CCER1: variants seen among roughly 807,000 people sequenced by gnomAD.
CCER1 encodes the protein coiled-coil glutamate rich protein 1.
For synonymous variants in CCER1, 246 were observed against 213.8 expected, an observed-to-expected ratio of 1.15 and a Z score of -1.31; for missense variants, 573 against 524.5, an observed-to-expected ratio of 1.09 and a Z score of -0.90.
rs756369135 is a variant in CCER1 at position 90,952,295 on chromosome 12, G to A, written c.*1227C>T. ...ATATATCAGTAACAACCAACATTCAGGTAAGACATCACCACACATTCTTCT... is the reference window on the plus strand; with the variant it reads ...ATATATCAGTAACAACCAACATTCAAGTAAGACATCACCACACATTCTTCT... On this transcript the variant is annotated 3_prime_UTR_variant, in exon 1 of 1. Transcript: ENST00000358859. 6.6e-6 allele frequency: 1 copy of A among 152,514 alleles called. No individual in the cohort carries two copies. The highest frequency in any genetic ancestry group is 1.5e-5 in the Non-Finnish European group (1 of 68,018). 9.4% of individuals were successfully genotyped at this position (152,514 alleles called of 1,614,324 possible).
At position 90,954,406 on chromosome 12, in the gene CCER1, C is replaced by T. The variant is rs1876582825; in HGVS notation, c.337G>A (p.Gly113Ser). The T allele has an allele frequency of 6.2e-7, 1 of 1,612,284 alleles. No individual in the cohort carries two copies. Among genetic ancestry groups the T allele is most frequent in the African/African-American group, 1.3e-5 (1 of 74,918 alleles). ...PCPVQVFRVY[G>S]LHPLCFCCCS... ...CAGCAAAAGCAGAGAGGGTGCAGGCCATACACCCGAAACACTTGCACCGGG... is the reference window on the plus strand; with the variant it reads ...CAGCAAAAGCAGAGAGGGTGCAGGCTATACACCCGAAACACTTGCACCGGG... Residue 113 changes from glycine to serine, a missense_variant, in exon 1 of 1, where the codon GGC becomes AGC. Gly to Ser is a moderately conservative substitution (Grantham distance 56). Coordinates refer to ENST00000358859, the MANE Select transcript of CCER1 (RefSeq NM_152638.4).
At position 90,953,376 on chromosome 12, in the gene CCER1, T is replaced by A. The variant is rs1281820384; in HGVS notation, c.*146A>T. 8 of 1,018,814 alleles carry A rather than the reference T, an allele frequency of 7.9e-6. No individual in the cohort carries two copies. The highest frequency in any genetic ancestry group is 1.1e-5 in the Non-Finnish European group (8 of 725,138). The allele number at this position is 1,018,814 out of a possible 1,614,324, so 63.1% of individuals were successfully genotyped here. A position where few individuals can be genotyped will look rare whatever the true frequency, so the allele number is the denominator to read the frequency against. On this transcript the variant is annotated 3_prime_UTR_variant, in exon 1 of 1. Transcript: ENST00000358859. ...ATAGTCATACACATACGCATCAAAT[T>A]TTAAACATTTTATAATGGCCAAAGA...
In CCER1 at chr12:90,953,827, C is replaced by A; in HGVS notation, c.916G>T (p.Glu306Ter). The A allele has an allele frequency of 6.3e-7, 1 of 1,578,892 alleles. No homozygotes were observed. Residue 306 changes from glutamate to a stop codon, truncating the protein, a stop_gained, in exon 1 of 1, where the codon GAG becomes TAG. Coordinates refer to ENST00000358859, the MANE Select transcript of CCER1 (RefSeq NM_152638.4). LOFTEE classifies it low-confidence loss of function (END_TRUNC). ...DAKEASEEEE[E>*]VEDEEEEVED... ...ACCTCTTCCTCCTCATCTTCGACCT[C>A]TTCTTCCTCCTCGCTCGCCTCCTTT... is the stretch of plus-strand genomic sequence containing the variant.
Position 90,955,123 on chromosome 12 carries a change from CTGCTGCT to C in CCER1, c.-388_-382del. The C allele has an allele frequency of 3.5e-6, 1 of 283,852 alleles. No individual in the cohort carries two copies. The highest frequency in any genetic ancestry group is 7.0e-6 in the Non-Finnish European group (1 of 141,958). 17.6% of individuals were successfully genotyped at this position (283,852 alleles called of 1,614,324 possible). On this transcript the variant is annotated 5_prime_UTR_variant, in exon 1 of 1. Transcript: ENST00000358859. ...GGGGAGGCAGGGGTTGCGCAGTTAC[CTGCTGCT>C]CCCTCTCAACCCAGGTGCTTCACTG...
Position 90,954,360 on chromosome 12 carries a change from G to A in CCER1, c.383C>T (p.Ser128Phe). 5 of 1,610,052 alleles carry A rather than the reference G, an allele frequency of 3.1e-6. No individual in the cohort carries two copies. Among genetic ancestry groups the A allele is most frequent in the Non-Finnish European group, 3.4e-6 (4 of 1,179,858 alleles). The change falls in exon 1 of 1, where the codon TCC (serine) becomes TTC (phenylalanine). Residue 128 changes from serine to phenylalanine, a missense_variant. Ser to Phe is a radical substitution (Grantham distance 155). Coordinates refer to ENST00000358859, the MANE Select transcript of CCER1 (RefSeq NM_152638.4). Reference sequence around the variant, plus strand: ...GGGCTTCACCCAGCCAGGGTTCCAGGACCCGCTCCAGCAGGAGCAGCAGCA... The same window carrying A: ...GGGCTTCACCCAGCCAGGGTTCCAGAACCCGCTCCAGCAGGAGCAGCAGCA... Reference protein sequence around the residue: ...CFCCCSCWSGSWNPGWVKPPG... With the variant: ...CFCCCSCWSGFWNPGWVKPPG...
At position 90,954,452 on chromosome 12, in the gene CCER1, T is replaced by C; in HGVS notation, c.291A>G (p.Pro97=). ...CWGGPWRPPP[P]GFWKFPCPVQ... is the part of the protein sequence containing the mutation. ...CCGGGCAGGGGAATTTCCAGAATCC[T>C]GGAGGGGGTGGGCGCCAGGGCCCTC... Residue 97 remains proline, a synonymous_variant, in exon 1 of 1, where the codon CCA becomes CCG. Transcript: ENST00000358859. 6.2e-7 allele frequency: 1 copy of C among 1,610,094 alleles called. No homozygotes were observed.
At position 90,954,473 on chromosome 12, in the gene CCER1, C is replaced by T. The variant is rs1395665229; in HGVS notation, c.270G>A (p.Gly90=). The change falls in exon 1 of 1, where the codon GGG becomes GGA. Residue 90 remains glycine, a synonymous_variant. Coordinates refer to ENST00000358859, the MANE Select transcript of CCER1 (RefSeq NM_152638.4). ...PVCSNWGCWG[G]PWRPPPPGFW... is the part of the protein sequence containing the mutation. ...ATCCTGGAGGGGGTGGGCGCCAGGG[C>T]CCTCCCCAGCACCCCCAGTTAGAGC... The T allele has an allele frequency of 6.2e-7, 1 of 1,609,496 alleles. No homozygotes were observed. Among genetic ancestry groups the T allele is most frequent in the South Asian group, 1.1e-5 (1 of 90,884 alleles).
In CCER1 at chr12:90,954,344, C is replaced by G; in HGVS notation, c.399G>C (p.Trp133Cys). 6.2e-7 allele frequency: 1 copy of G among 1,608,380 alleles called. No homozygotes were observed. Among genetic ancestry groups the G allele is most frequent in the Non-Finnish European group, 8.5e-7 (1 of 1,179,622 alleles). The stretch of plus-strand genomic sequence containing the variant: ...GCTTCTTCCTGCCTGGGGGCTTCAC[C>G]CAGCCAGGGTTCCAGGACCCGCTCC... Reference protein sequence around the residue: ...SCWSGSWNPGWVKPPGRKKRW... With the variant: ...SCWSGSWNPGCVKPPGRKKRW... The change falls in exon 1 of 1, where the codon TGG (tryptophan) becomes TGC (cysteine). Residue 133 changes from tryptophan to cysteine, a missense_variant. Trp to Cys is a radical substitution (Grantham distance 215, BLOSUM62 -2). Coordinates refer to ENST00000358859, the MANE Select transcript of CCER1 (RefSeq NM_152638.4).
rs1183603038 is a variant in CCER1 at position 90,954,164 on chromosome 12, G to A, written c.579C>T (p.Ile193=). 1.2e-6 allele frequency: 2 copies of A among 1,611,152 alleles called. No individual in the cohort carries two copies. Among genetic ancestry groups the A allele is most frequent in the Non-Finnish European group, 8.5e-7 (1 of 1,179,960 alleles). The stretch of plus-strand genomic sequence containing the variant: ...TCATGTCCTCGTAGATCTGGTTCAT[G>A]ATGAATTGGGTGGTGTTGGGCGGCG... The part of the protein sequence containing the change: ...MRAPPNTTQF[I]MNQIYEDMRQ... Residue 193 remains isoleucine (I), a synonymous_variant, in exon 1 of 1, where the codon ATC becomes ATT. Transcript: ENST00000358859.
In CCER1 at chr12:90,954,721, T is replaced by C; in HGVS notation, c.22A>G (p.Arg8Gly). 1 of 1,554,038 alleles carries C rather than the reference T, an allele frequency of 6.4e-7. No homozygotes were observed. Among genetic ancestry groups the C allele is most frequent in the Non-Finnish European group, 8.7e-7 (1 of 1,149,632 alleles). The change falls in exon 1 of 1, where the codon AGG (arginine) becomes GGG (glycine). Residue 8 changes from arginine (R) to glycine (G), a missense_variant. Transcript: ENST00000358859. MTQTLDTREDPLNLGGGG... is the reference protein window; with the variant it reads MTQTLDTGEDPLNLGGGG... ...CCGCCCAGGTTCAGAGGGTCTTCCC[T>C]TGTGTCGAGGGTCTGAGTCATGGTT... is the stretch of plus-strand genomic sequence containing the variant.
chr12:90,952,840 G>A lies in CCER1; in HGVS notation c.*682C>T, dbSNP rs1272155355. 1 of 152,646 alleles carries A rather than the reference G, an allele frequency of 6.6e-6. No homozygotes were observed. Among genetic ancestry groups the A allele is most frequent in the Non-Finnish European group, 1.5e-5 (1 of 68,046 alleles). The allele number at this position is 152,646 out of a possible 1,614,324, so 9.5% of individuals were successfully genotyped here. ...CCATGGGGAATCCTCTCCATGACTG[G>A]ATTATGGATTGTTGAGGCCATGGCA... is the stretch of plus-strand genomic sequence containing the variant. On this transcript the variant is annotated 3_prime_UTR_variant, in exon 1 of 1. Coordinates refer to ENST00000358859, the MANE Select transcript of CCER1 (RefSeq NM_152638.4).
chr12:90,953,945 C>T lies in CCER1; in HGVS notation c.798G>A (p.Glu266=). 3 of 1,614,198 alleles carry T rather than the reference C, an allele frequency of 1.9e-6. No individual in the cohort carries two copies. The highest frequency in any genetic ancestry group is 2.5e-6 in the Non-Finnish European group (3 of 1,180,022). ...NPSLAFSPNP[E]ENQSLAPLLV... ...GCAGCGGGGCAAGAGACTGGTTTTCCTCTGGGTTGGGACTGAATGCTAGAG... is the reference window on the plus strand; with the variant it reads ...GCAGCGGGGCAAGAGACTGGTTTTCTTCTGGGTTGGGACTGAATGCTAGAG... Residue 266 remains glutamate, a synonymous_variant, in exon 1 of 1, where the codon GAG becomes GAA. Transcript: ENST00000358859.
Position 90,954,858 on chromosome 12 carries a change from C to G in CCER1, c.-116G>C. 5 of 1,457,538 alleles carry G rather than the reference C, an allele frequency of 3.4e-6. No individual in the cohort carries two copies. Among genetic ancestry groups the G allele is most frequent in the Non-Finnish European group, 4.5e-6 (5 of 1,101,786 alleles). The allele number at this position is 1,457,538 out of a possible 1,614,324, so 90.3% of individuals were successfully genotyped here. Reference sequence around the variant, plus strand: ...GTCAACCTGTCTCTCCACGCAGCGCCACGTGTCTACCCCTGGGATCACGTT... The same window carrying G: ...GTCAACCTGTCTCTCCACGCAGCGCGACGTGTCTACCCCTGGGATCACGTT... On this transcript the variant is annotated 5_prime_UTR_variant, in exon 1 of 1. Transcript: ENST00000358859.
Position 90,954,021 on chromosome 12 carries a change from T to C in CCER1, c.722A>G (p.Lys241Arg). The C allele has an allele frequency of 6.2e-7, 1 of 1,614,250 alleles. No individual in the cohort carries two copies. The highest frequency in any genetic ancestry group is 8.5e-7 in the Non-Finnish European group (1 of 1,180,044). Residue 241 changes from lysine to arginine, a missense_variant, in exon 1 of 1, where the codon AAG becomes AGG. Physicochemically the swap from Lys to Arg is conservative, Grantham distance 26. Transcript: ENST00000358859. ...AGTTTCCTGCAGTCCCCAGGTTTCC[T>C]TGCTGCCGCCAGGGGGCGCGTCGTT... is the stretch of plus-strand genomic sequence containing the variant. Reference protein sequence around the residue: ...SGNDAPPGGSKETWGLQETLY... With the variant: ...SGNDAPPGGSRETWGLQETLY...
Position 90,954,861 on chromosome 12 carries a change from G to C in CCER1, c.-119C>G. 1 of 1,455,602 alleles carries C rather than the reference G, an allele frequency of 6.9e-7. No individual in the cohort carries two copies. The highest frequency in any genetic ancestry group is 9.1e-7 in the Non-Finnish European group (1 of 1,100,904). The allele number at this position is 1,455,602 out of a possible 1,614,324, so 90.2% of individuals were successfully genotyped here. A position where few individuals can be genotyped will look rare whatever the true frequency, so the allele number is the denominator to read the frequency against. On this transcript the variant is annotated 5_prime_UTR_variant, in exon 1 of 1. Coordinates refer to ENST00000358859, the MANE Select transcript of CCER1 (RefSeq NM_152638.4). ...AACCTGTCTCTCCACGCAGCGCCAC[G>C]TGTCTACCCCTGGGATCACGTTTTC... is the stretch of plus-strand genomic sequence containing the variant.
chr12:90,954,949 G>C lies in CCER1; in HGVS notation c.-207C>G. 2.0e-6 allele frequency: 2 copies of C among 991,632 alleles called. No individual in the cohort carries two copies. The highest frequency in any genetic ancestry group is 2.9e-6 in the Non-Finnish European group (2 of 686,672). The allele number at this position is 991,632 out of a possible 1,614,324, so 61.4% of individuals were successfully genotyped here. On this transcript the variant is annotated 5_prime_UTR_variant, in exon 1 of 1. Transcript: ENST00000358859. ...CTTCGGTAGTAATCGCTTGTCCTTC[G>C]CACCTGGGTTGTCTCGCCCAGGTGT... is the stretch of plus-strand genomic sequence containing the variant.
chr12:90,954,780 C>A lies in CCER1; in HGVS notation c.-38G>T. 1 of 1,510,274 alleles carries A rather than the reference C, an allele frequency of 6.6e-7. No individual in the cohort carries two copies. The highest frequency in any genetic ancestry group is 8.9e-7 in the Non-Finnish European group (1 of 1,125,568). The allele number at this position is 1,510,274 out of a possible 1,614,324, so 93.6% of individuals were successfully genotyped here. ...TCCGAGAGGTCCAGATGGTAGCGAC[C>A]TGAAGCTGTCGTCAAGTTTTGCCAG... On this transcript the variant is annotated 5_prime_UTR_variant, in exon 1 of 1. It adds an upstream start codon to the 5' untranslated region. Transcript: ENST00000358859.
rs533483124 is a variant in CCER1, at chr12:90,954,890, T to G, written c.-148A>C. On this transcript the variant is annotated 5_prime_UTR_variant, in exon 1 of 1. Coordinates refer to ENST00000358859, the MANE Select transcript of CCER1 (RefSeq NM_152638.4). ...CTACCCCTGGGATCACGTTTTCCTC[T>G]CCAGGAGGCTGCTCTCTTCCTGGTT... 4,576 of 1,412,122 alleles carry G rather than the reference T, an allele frequency of 3.2e-3. 13 individuals carry two copies. Among genetic ancestry groups the G allele is most frequent in the Non-Finnish European group, 3.9e-3 (4,188 of 1,065,630 alleles). The allele number at this position is 1,412,122 out of a possible 1,614,324, so 87.5% of individuals were successfully genotyped here. A position where few individuals can be genotyped will look rare whatever the true frequency, so the allele number is the denominator to read the frequency against.
At position 90,954,074 on chromosome 12, in the gene CCER1, GC is replaced by G; in HGVS notation, c.668del (p.Gly223AlafsTer37). On this transcript the variant is annotated frameshift_variant, in exon 1 of 1. Coordinates refer to ENST00000358859, the MANE Select transcript of CCER1 (RefSeq NM_152638.4). LOFTEE classifies it low-confidence loss of function (END_TRUNC). ...ALRAQKATVS[G>X]EASPARSSGN... The stretch of plus-strand genomic sequence containing the variant: ...CGGAGGATCTGGCTGGGGAGGCCTC[GC>G]CGCTCACCGTGGCCTTCTGCGCCCG... 6.2e-7 allele frequency: 1 copy of G among 1,613,732 alleles called. No individual in the cohort carries two copies. The highest frequency in any genetic ancestry group is 8.5e-7 in the Non-Finnish European group (1 of 1,180,028).
Sources: allele counts gnomAD v4.1 joint callset, GRCh38; gene constraint gnomAD v4.1.1; transcripts MANE v1.5; gene names NCBI Gene and HGNC (gene_info 2026-07-23, HGNC 2026-07-21).